The following TBC1D19 variants were observed in gnomAD, a reference collection of about 807,000 sequenced individuals.
The protein encoded by TBC1D19 is TBC1 domain family, member 19.
Under a neutral mutation model 89.0 loss-of-function variants are expected in TBC1D19, and 60 were observed. The observed-to-expected ratio is 0.67, with a 90% CI of 0.55 to 0.84. TBC1D19 has a LOEUF of 0.84. Among genes scored for constraint, TBC1D19 ranks in the 40% least tolerant of loss-of-function variants. The probability of loss-of-function intolerance (pLI) is 0.00; values close to 1 mark genes in which losing one functional copy is unlikely to be tolerated. For synonymous variants in TBC1D19, 189 were observed against 199.7 expected, an observed-to-expected ratio of 0.95 and a Z score of 0.45; for missense variants, 500 against 610.8, an observed-to-expected ratio of 0.82 and a Z score of 1.91.
chr4:26,579,952 G>C (rs1739036032), upstream of TBC1D19, among the ~76,000 whole-genome samples: 1 of 152,188 alleles, frequency 6.6e-6, no homozygotes, highest in South Asian at 2.1e-4. Flanking sequence ...AAAGAGCTTA[G>C]AAACTTGATG....
chr4:26,768,635 A>C, the TBC1D19 span, among the ~76,000 whole-genome samples: 2 of 152,190 alleles, frequency 1.3e-5, no homozygotes, highest in South Asian at 4.1e-4. Context: ...GAGACATGGA[A>C]GATATTAAAA....
At chr4:26,580,022 A>G (rs1739037448), upstream of TBC1D19, among the ~76,000 whole-genome samples, 2 of 152,076 alleles carry the variant, frequency 1.3e-5, no homozygotes, top group Non-Finnish European at 2.9e-5. Flanking sequence ...AATAATAAAG[A>G]TCTTATTATT....
the TBC1D19 span, among the ~76,000 whole-genome samples, chr4:26,782,278 G>A: frequency 6.6e-6 from 1 of 152,202 alleles, no homozygotes; most frequent in Non-Finnish European, 1.5e-5. Context: ...AAAGAGCAGA[G>A]TAGGATTCCA....
intron 12 of TBC1D19, among the ~76,000 whole-genome samples, chr4:26,687,857 A>G (rs1258775519): frequency 6.6e-6 from 1 of 152,124 alleles, no homozygotes; most frequent in Non-Finnish European, 1.5e-5. Context: ...TGGCCCTTAA[A>G]CTCATAATAC....
At chr4:26,826,899 C>G in the TBC1D19 span, among the ~76,000 whole-genome samples, 1 of 152,084 alleles carries the variant, frequency 6.6e-6, no homozygotes, top group Non-Finnish European at 1.5e-5. Context: ...GTTATGAAAC[C>G]GGAAAGAACC....
At chr4:26,657,080 C>T (rs1744903385) in intron 7 of TBC1D19, among the ~76,000 whole-genome samples, 2 of 121,780 alleles carry the variant, frequency 1.6e-5, no homozygotes, top group Non-Finnish European at 1.8e-5. Flanking sequence ...TCTTCTTCTT[C>T]ATTTATTTAT....
At chr4:26,810,409 A>G in the TBC1D19 span, among the ~76,000 whole-genome samples, 1 of 152,102 alleles carries the variant, frequency 6.6e-6, no homozygotes. Context: ...GGCCACTTAC[A>G]AGGCACCATG....
At chr4:26,840,235 T>G in the TBC1D19 span, among the ~76,000 whole-genome samples, 1 of 151,950 alleles carries the variant, frequency 6.6e-6, no homozygotes, top group African/African-American at 2.4e-5. Context: ...GTGCCCACCA[T>G]CATGCCCAGC....
intron 11 of TBC1D19, among the ~76,000 whole-genome samples, chr4:26,679,246 G>A (rs756702971): frequency 1.6e-4 from 25 of 152,152 alleles, no homozygotes; most frequent in Admixed American, 7.2e-4. Flanking sequence ...GCCAAGCCCC[G>A]GGCCCCCCTG....
At position 26,638,112 on chromosome 4, in the gene TBC1D19, A is replaced by G. The variant is rs1387594163; in HGVS notation, c.370-659A>G. On this transcript the variant is annotated intron_variant, in intron 5 of 20. Transcript: ENST00000264866. The stretch of plus-strand genomic sequence containing the variant: ...TATGTTACTCTGGGCATTGAGGAGA[A>G]AAGATGAGAAAGAAAAGAAAAAACA... Among the ~76,000 whole-genome samples the G allele has an allele frequency of 6.3e-3, 945 of 151,100 alleles. 11 individuals carry two copies. Among genetic ancestry groups the G allele is most frequent in the African/African-American group, 0.022 (888 of 40,430 alleles).
the TBC1D19 span, among the ~76,000 whole-genome samples, chr4:26,792,263 A>T: frequency 5.5e-3 from 832 of 152,062 alleles, 1 homozygote; most frequent in Admixed American, 7.9e-3. Flanking sequence ...ACTTATTATT[A>T]AAAAAAAGAA....
intron 1 of TBC1D19, among the ~76,000 whole-genome samples, chr4:26,599,118 A>T (rs1740431273): frequency 6.6e-6 from 1 of 152,150 alleles, no homozygotes. Context: ...CTATAATATT[A>T]TAGATTCATA....
At chr4:26,697,412 T>C (rs1314775419) in intron 13 of TBC1D19, among the ~76,000 whole-genome samples, 1 of 152,134 alleles carries the variant, frequency 6.6e-6, no homozygotes, top group Non-Finnish European at 1.5e-5. Flanking sequence ...GGGGGATTCA[T>C]AGCCGAATTC....
At chr4:26,656,993 C>CTTCTTCTTCTTCTTCTTCTT (rs1491448641) in intron 7 of TBC1D19, among the ~76,000 whole-genome samples, 8 of 33,340 alleles carry the variant, frequency 2.4e-4, no homozygotes, top group Admixed American at 4.2e-4. Context: ...TTCTTCTTCT[C>CTTCTTCTTCTTCTTCTTCTT]CTTCTCCTTC....
chr4:26,793,716 T>G, the TBC1D19 span, among the ~76,000 whole-genome samples: 1 of 132,438 alleles, frequency 7.6e-6, no homozygotes, highest in African/African-American at 2.8e-5. Flanking sequence ...GAGTGGGACT[T>G]CGTCTCAAAA....
the TBC1D19 span, among the ~76,000 whole-genome samples, chr4:26,783,442 G>A: frequency 3.9e-5 from 6 of 152,132 alleles, no homozygotes; most frequent in Non-Finnish European, 5.9e-5. Flanking sequence ...TGAAATGAAT[G>A]AGGGAAAAAT....
chr4:26,741,123 G>A (rs534364995), intron 17 of TBC1D19, among the ~76,000 whole-genome samples: 11 of 152,140 alleles, frequency 7.2e-5, no homozygotes, highest in East Asian at 3.9e-4. Context: ...TTGGGAGGCC[G>A]AGGCGGGTGG....
At chr4:26,856,658 C>T in the TBC1D19 span, among the ~76,000 whole-genome samples, 2 of 152,182 alleles carry the variant, frequency 1.3e-5, no homozygotes, top group Non-Finnish European at 2.9e-5. Context: ...TTGATAATAG[C>T]CATCATTTTC....
At chr4:26,794,276 A>T in the TBC1D19 span, among the ~76,000 whole-genome samples, 2 of 152,178 alleles carry the variant, frequency 1.3e-5, no homozygotes, top group Non-Finnish European at 2.9e-5. Flanking sequence ...TAAATTTTTT[A>T]AAAGTAAGAA....
Sources: gnomAD v4.1 joint callset for allele counts (sites outside exome capture counted in the v4.1 genomes callset) on GRCh38, gnomAD v4.1.1 for gene constraint, MANE v1.5 for transcripts, NCBI Gene and HGNC (gene_info 2026-07-23, HGNC 2026-07-21) for gene names.